The following MARCHF1 variants were observed in gnomAD, a reference collection of about 807,000 sequenced individuals.
MARCHF1 encodes the protein E3 ubiquitin-protein ligase MARCHF1.
A neutral mutation model predicts 54.2 loss-of-function variants in MARCHF1; 40 were observed. That is an observed-to-expected ratio of 0.74 (90% CI 0.57 to 0.96). The LOEUF (loss-of-function observed/expected upper bound fraction) is 0.96. MARCHF1 is among the 40% of genes least tolerant of loss of function. The pLI is 0.00. For synonymous variants in MARCHF1, 236 were observed against 236.3 expected (o/e 1.00, Z 0.01); for missense variants, 586 against 656.5 (o/e 0.89, Z 1.17).
At chr4:163,866,132 G>A (rs1750042778) in intron 3 of MARCHF1, among the ~76,000 whole-genome samples, 1 of 151,358 alleles carries the variant, frequency 6.6e-6, no homozygotes, top group African/African-American at 2.4e-5. Context: ...AATGTCTCTA[G>A]TATTTATGTT....
intron 8 of MARCHF1, among the ~76,000 whole-genome samples, chr4:163,570,157 A>G (rs777844563): frequency 1.1e-4 from 17 of 152,142 alleles, no homozygotes; most frequent in Admixed American, 3.3e-4. Context: ...TAATCAATGC[A>G]TTGAACCCCC....
At chr4:164,127,597 A>C (rs560857716) in intron 1 of MARCHF1, among the ~76,000 whole-genome samples, 2 of 152,320 alleles carry the variant, frequency 1.3e-5, no homozygotes, top group Non-Finnish European at 2.9e-5. Flanking sequence ...AAAATAAAAA[A>C]CTGACATTCA....
At chr4:164,038,161 T>G (rs1408654344) in intron 2 of MARCHF1, among the ~76,000 whole-genome samples, 1 of 152,126 alleles carries the variant, frequency 6.6e-6, no homozygotes, top group Non-Finnish European at 1.5e-5. Context: ...TTCTTACAAC[T>G]GCACACAAAT....
At chr4:164,138,300 G>A (rs563515483) in intron 1 of MARCHF1, among the ~76,000 whole-genome samples, 8 of 149,536 alleles carry the variant, frequency 5.3e-5, no homozygotes, top group African/African-American at 1.7e-4. Context: ...CTAAGCCTGC[G>A]TCAGCTTATT....
chr4:164,177,009 T>TATATATATATAC lies in MARCHF1; in HGVS notation c.-322-65348_-322-65347insGTATATATATAT, dbSNP rs1553989397. On this transcript the variant is annotated intron_variant, in intron 1 of 9. Transcript: ENST00000514618. ...ATATATATATATATATATATATATA[T>TATATATATATAC]ACAAATGATAGAATTAGGCATGTTT... Among the ~76,000 whole-genome samples the TATATATATATAC allele has an allele frequency of 8.6e-3, 475 of 55,398 alleles. 59 individuals carry two copies. Among genetic ancestry groups the TATATATATATAC allele is most frequent in the South Asian group, 0.012 (18 of 1,452 alleles). 36.3% of individuals were successfully genotyped at this position (55,398 alleles called of 152,430 possible).
chr4:163,550,197 G>C (rs1006151986), intron 8 of MARCHF1, among the ~76,000 whole-genome samples: 1 of 149,444 alleles, frequency 6.7e-6, no homozygotes, highest in Admixed American at 6.7e-5. Context: ...CAAGAGAATC[G>C]CTTCAACCCG....
At chr4:164,338,253 A>G (rs1729815419) in intron 1 of MARCHF1, among the ~76,000 whole-genome samples, 1 of 152,210 alleles carries the variant, frequency 6.6e-6, no homozygotes, top group African/African-American at 2.4e-5. Flanking sequence ...TGGAAATTAC[A>G]AAGCAAAAAA....
At position 164,226,368 on chromosome 4, in the gene MARCHF1, T is replaced by C. The variant is rs1732253649; in HGVS notation, c.-322-114706A>G. The stretch of plus-strand genomic sequence containing the variant: ...AAGCTATTAGAGTCGTTGGAGGGGA[T>C]TGTTTACACAGATAAAAATAAGTAA... On this transcript the variant is annotated intron_variant, in intron 1 of 9. Transcript: ENST00000514618. Among the ~76,000 whole-genome samples, 4 of 152,054 alleles carry C rather than the reference T, an allele frequency of 2.6e-5. No homozygotes were observed. In the South Asian group the frequency reaches 8.3e-4, roughly 31 times the overall value.
At chr4:163,919,298 G>A (rs1751374346) in intron 3 of MARCHF1, among the ~76,000 whole-genome samples, 1 of 151,976 alleles carries the variant, frequency 6.6e-6, no homozygotes, top group Admixed American at 6.6e-5. Flanking sequence ...TTCAATAAGA[G>A]TGAGTAACTA....
Position 163,612,529 on chromosome 4 carries a change from G to C in MARCHF1, c.752C>G (p.Ser251Cys). The change falls in exon 7 of 10, where the codon TCC becomes TGC. Residue 251 changes from serine (S) to cysteine (C), a missense_variant. Ser to Cys is a moderately radical substitution (Grantham distance 112). This residue lies in a region of MARCHF1 where 387 missense variants were observed against 394.6 expected (regional missense o/e 0.98). Coordinates refer to ENST00000514618, the MANE Select transcript of MARCHF1 (RefSeq NM_001394959.1). ...QECNPSLTQG[S>C]SEIKRSSRNH... ...CCTTGAGGATCTCTTAATTTCAGAG[G>C]ACCCTTGAGTCAGAGAAGGGTTGCA... is the stretch of plus-strand genomic sequence containing the variant. 1 of 1,535,284 alleles carries C rather than the reference G, an allele frequency of 6.5e-7. No individual in the cohort carries two copies. Among genetic ancestry groups the C allele is most frequent in the African/African-American group, 1.4e-5 (1 of 73,022 alleles).
intron 1 of MARCHF1, among the ~76,000 whole-genome samples, chr4:164,255,545 T>C (rs2111255784): frequency 6.6e-6 from 1 of 152,034 alleles, no homozygotes; most frequent in African/African-American, 2.4e-5. Flanking sequence ...GATAACAAGA[T>C]CCAGCTTATG....
intron 3 of MARCHF1, among the ~76,000 whole-genome samples, chr4:163,944,237 C>A (rs999163774): frequency 6.6e-6 from 1 of 151,822 alleles, no homozygotes; most frequent in Non-Finnish European, 1.5e-5. Context: ...CCGCCTCAGC[C>A]TCCCAAAGTG....
intron 2 of MARCHF1, among the ~76,000 whole-genome samples, chr4:163,992,526 G>A (rs1005000636): frequency 6.6e-6 from 1 of 151,822 alleles, no homozygotes; most frequent in African/African-American, 2.4e-5. Context: ...GTAGACATAA[G>A]GTGATTAAAT....
intron 3 of MARCHF1, among the ~76,000 whole-genome samples, chr4:163,931,011 G>A (rs1189509035): frequency 6.6e-6 from 1 of 152,028 alleles, no homozygotes; most frequent in Non-Finnish European, 1.5e-5. Flanking sequence ...AGGTAACAAA[G>A]GTTAAATGAG....
chr4:164,022,614 C>T (rs2110971553), intron 2 of MARCHF1, among the ~76,000 whole-genome samples: 2 of 152,312 alleles, frequency 1.3e-5, no homozygotes, highest in Admixed American at 6.5e-5. Flanking sequence ...AAGATCTTCC[C>T]AGAGAGTGGG....
chr4:164,256,430 CT>C (rs1388763407), intron 1 of MARCHF1, among the ~76,000 whole-genome samples: 1 of 61,510 alleles, frequency 1.6e-5, no homozygotes, highest in Non-Finnish European at 3.6e-5. Flanking sequence ...GCACAAGAAG[CT>C]TAAAAAAAAA....
chr4:164,248,219 G>C (rs1172619929), intron 1 of MARCHF1, among the ~76,000 whole-genome samples: 1 of 151,886 alleles, frequency 6.6e-6, no homozygotes, highest in Non-Finnish European at 1.5e-5. Flanking sequence ...CAATATTCTC[G>C]AGCTGGTTAT....
intron 5 of MARCHF1, among the ~76,000 whole-genome samples, chr4:163,697,587 G>T (rs1178559857): frequency 6.6e-6 from 1 of 152,122 alleles, no homozygotes; most frequent in Non-Finnish European, 1.5e-5. Flanking sequence ...AGAACTGCAA[G>T]AAATAGGCAG....
At chr4:164,034,187 T>C (rs1467794884) in intron 2 of MARCHF1, among the ~76,000 whole-genome samples, 2 of 152,066 alleles carry the variant, frequency 1.3e-5, no homozygotes, top group Non-Finnish European at 2.9e-5. Context: ...TGCAGGGACA[T>C]GGATGAAGCT....
Sources: gnomAD v4.1 joint callset for allele counts (sites outside exome capture counted in the v4.1 genomes callset) on GRCh38, gnomAD v4.1.1 for gene constraint, gnomAD v4.1.1 regional missense constraint, MANE v1.5 for transcripts, NCBI Gene and HGNC (gene_info 2026-07-23, HGNC 2026-07-21) for gene names.